Variants in MPDZ observed in about 807,000 individuals in gnomAD.
MPDZ encodes multiple PDZ domain protein.
MPDZ carries 234 observed loss-of-function variants against 239.1 expected under a neutral mutation model. The ratio of observed to expected loss-of-function variants is 0.98; its 90% CI spans 0.88 to 1.09. MPDZ has a LOEUF of 1.09. Ranked by LOEUF, MPDZ falls within the 50% of genes least tolerant of loss-of-function variation. The pLI is 0.00. For missense variants in MPDZ, 3,175 were observed against 2,510.0 expected (o/e 1.26, Z -5.66); for synonymous variants, 1,048 against 881.3 (o/e 1.19, Z -3.35).
chr9:13,185,569 T>C (rs182240659), intron 18 of MPDZ, among the ~76,000 whole-genome samples: 1 of 152,224 alleles, frequency 6.6e-6, no homozygotes, highest in African/African-American at 2.4e-5. Context: ...TACAATTTGT[T>C]GTATTTATGT....
intron 12 of MPDZ, among the ~76,000 whole-genome samples, chr9:13,200,267 A>G (rs1463364902): frequency 6.6e-6 from 1 of 151,866 alleles, no homozygotes; most frequent in African/African-American, 2.4e-5. Context: ...TAACAATCCT[A>G]TGTATTTCAA....
chr9:13,183,529 A>G lies in MPDZ; in HGVS notation c.2538T>C (p.Ser846=). The stretch of plus-strand genomic sequence containing the variant: ...TAGAGTAGATGCTGTCATTTTCAGG[A>G]GAGTATGGAGACTCAAATGTGGATT... The part of the protein sequence containing the change: ...VDESTFESPY[S]PENDSIYSTQ... The change falls in exon 19 of 47, where the codon TCT becomes TCC. Residue 846 remains serine, a synonymous_variant. Coordinates refer to ENST00000319217, the MANE Select transcript of MPDZ (RefSeq NM_001378778.1). 1 of 1,612,650 alleles carries G rather than the reference A, an allele frequency of 6.2e-7. No individual in the cohort carries two copies.
At chr9:13,257,599 G>C (rs548983941) in intron 1 of MPDZ, among the ~76,000 whole-genome samples, 2 of 152,150 alleles carry the variant, frequency 1.3e-5, no homozygotes, top group African/African-American at 2.4e-5. Context: ...AAATCGATTG[G>C]TGTATGTTTA....
Position 13,279,418 on chromosome 9 carries a change from C to G in MPDZ, c.-76G>C, listed in dbSNP as rs1225992333. The G allele has an allele frequency of 6.8e-6, 1 of 147,344 alleles. No individual in the cohort carries two copies. Among genetic ancestry groups the G allele is most frequent in the Non-Finnish European group, 1.5e-5 (1 of 66,332 alleles). 9.1% of individuals were successfully genotyped at this position (147,344 alleles called of 1,614,324 possible). On this transcript the variant is annotated 5_prime_UTR_variant, in exon 1 of 47. Transcript: ENST00000319217. ...CGCTTACCCGGCTCGCGGCGCCCGCCCAGGGCCGCGACGCGAGGGGGCGGA... is the reference window on the plus strand; with the variant it reads ...CGCTTACCCGGCTCGCGGCGCCCGCGCAGGGCCGCGACGCGAGGGGGCGGA...
intron 3 of MPDZ, among the ~76,000 whole-genome samples, chr9:13,236,601 C>T (rs780409986): frequency 2.0e-5 from 3 of 151,632 alleles, no homozygotes; most frequent in Admixed American, 6.6e-5. Context: ...ATTTTATAAA[C>T]TCGTTTTCTT....
At chr9:13,150,354 T>C (rs559105686) in intron 25 of MPDZ, among the ~76,000 whole-genome samples, 157 bp downstream of exon 25, 1 of 152,010 alleles carries the variant, frequency 6.6e-6, no homozygotes, top group African/African-American at 2.4e-5. Context: ...GAGTAACTAG[T>C]ATGAAGATGA....
At chr9:13,278,592 C>T (rs1011492118) in intron 1 of MPDZ, among the ~76,000 whole-genome samples, 4 of 152,222 alleles carry the variant, frequency 2.6e-5, no homozygotes, top group African/African-American at 9.6e-5. Flanking sequence ...AACATCGCTT[C>T]CCTGGTAACA....
At chr9:13,141,657 T>A (rs1947711625) in intron 27 of MPDZ, among the ~76,000 whole-genome samples, 1 of 152,144 alleles carries the variant, frequency 6.6e-6, no homozygotes, top group Non-Finnish European at 1.5e-5. Context: ...CACGCACAAA[T>A]ACTTAGAAAT....
At chr9:13,162,998 T>C (rs1950646969) in intron 22 of MPDZ, among the ~76,000 whole-genome samples, 1 of 152,120 alleles carries the variant, frequency 6.6e-6, no homozygotes, top group Non-Finnish European at 1.5e-5. Context: ...CAACAGAAAC[T>C]AAGTTTTTAA....
At chr9:13,271,992 T>G in intron 1 of MPDZ, among the ~76,000 whole-genome samples, 1 of 151,196 alleles carries the variant, frequency 6.6e-6, no homozygotes, top group Non-Finnish European at 1.5e-5. Context: ...ATGGGAGGGG[T>G]GGGTAGAGGA....
rs1169299427 is a variant in MPDZ at position 13,147,583 on chromosome 9, C to A, written c.3706G>T (p.Val1236Phe). Residue 1236 changes from valine to phenylalanine, a missense_variant, in exon 26 of 47, where the codon GTC becomes TTC. Physicochemically the swap from Val to Phe is conservative, Grantham distance 50. Transcript: ENST00000319217. ...EAIRKAGNPV[V>F]FMVQSIINRP... is the part of the protein sequence containing the mutation. ...TTTATAATGCTCTGTACCATAAAGACTACAGGGTTGCCTGCTTTCCGAATG... is the reference window on the plus strand; with the variant it reads ...TTTATAATGCTCTGTACCATAAAGAATACAGGGTTGCCTGCTTTCCGAATG... 6.2e-7 allele frequency: 1 copy of A among 1,612,370 alleles called. No homozygotes were observed. Among genetic ancestry groups the A allele is most frequent in the African/African-American group, 1.3e-5 (1 of 74,922 alleles).
intron 3 of MPDZ, among the ~76,000 whole-genome samples, chr9:13,236,842 G>A (rs7044288): frequency 0.98 from 149,265 of 151,902 alleles, 73,389 homozygotes; most frequent in Middle Eastern, 1. Context: ...GAAGTAGAAC[G>A]TACCAGGATG....
chr9:13,177,562 C>A (rs1264858045), intron 19 of MPDZ, among the ~76,000 whole-genome samples: 1 of 152,102 alleles, frequency 6.6e-6, no homozygotes, highest in African/African-American at 2.4e-5. Flanking sequence ...TTTGCAGTAT[C>A]TTTTCATCTT....
At chr9:13,119,952 T>G (rs1264696054) in intron 38 of MPDZ, 2 of 330,748 alleles carry the variant, frequency 6.0e-6, no homozygotes, top group Non-Finnish European at 1.1e-5. Flanking sequence ...GGCTACTAAG[T>G]GGCAAAAGTA....
chr9:13,159,683 A>ACCGTAG (rs1190288383), intron 23 of MPDZ, among the ~76,000 whole-genome samples: 10 of 152,110 alleles, frequency 6.6e-5, no homozygotes, highest in Admixed American at 6.6e-4. Flanking sequence ...ATTCAGAAAC[A>ACCGTAG]CCGTAGCCAC....
At chr9:13,216,056 C>G (rs541318998) in intron 10 of MPDZ, among the ~76,000 whole-genome samples, 6 of 148,588 alleles carry the variant, frequency 4.0e-5, no homozygotes, top group African/African-American at 1.2e-4. Context: ...TTTCTATGTG[C>G]ACTGTGAATT....
chr9:13,138,011 TG>T lies in MPDZ; in HGVS notation c.4145del (p.Pro1382GlnfsTer18). ...GACCATCTTTTCCTGCAGCTCCATTTGGATCAATCCCCACTATGAAGACACT... is the reference window on the plus strand; with the variant it reads ...GACCATCTTTTCCTGCAGCTCCATTTGATCAATCCCCACTATGAAGACACT... ...RMSVFIVGID[P>X]NGAAGKDGRL... On this transcript the variant is annotated frameshift_variant, in exon 29 of 47. Coordinates refer to ENST00000319217, the MANE Select transcript of MPDZ (RefSeq NM_001378778.1). LOFTEE classifies it high-confidence loss of function. The T allele has an allele frequency of 6.2e-7, 1 of 1,613,904 alleles. No individual in the cohort carries two copies. Among genetic ancestry groups the T allele is most frequent in the East Asian group, 2.2e-5 (1 of 44,838 alleles).
At chr9:13,206,282 C>T (rs1411998136) in intron 10 of MPDZ, among the ~76,000 whole-genome samples, 183 bp from the exon 11 acceptor site, 1 of 152,008 alleles carries the variant, frequency 6.6e-6, no homozygotes, top group African/African-American at 2.4e-5. Context: ...AACAGGGATG[C>T]ACTAGAATCA....
intron 27 of MPDZ, among the ~76,000 whole-genome samples, chr9:13,141,762 G>A (rs992827783): frequency 6.6e-6 from 1 of 152,086 alleles, no homozygotes; most frequent in Non-Finnish European, 1.5e-5. Flanking sequence ...GATTCAGAAA[G>A]CACTCAATTT....
Sources: gnomAD v4.1 joint callset for allele counts (sites outside exome capture counted in the v4.1 genomes callset) on GRCh38, gnomAD v4.1.1 for gene constraint, MANE v1.5 for transcripts, NCBI Gene and HGNC (gene_info 2026-07-23, HGNC 2026-07-21) for gene names.